The following PRKG1 variants were observed in gnomAD, a reference collection of about 807,000 sequenced individuals.
PRKG1 encodes protein kinase cGMP-dependent 1, also known as cGMP-dependent protein kinase 1.
PRKG1 carries 35 observed loss-of-function variants against 88.1 expected under a neutral mutation model. The observed-to-expected ratio is 0.40, with a 90% CI of 0.30 to 0.53. The LOEUF (loss-of-function observed/expected upper bound fraction) is 0.53, where lower values mean the gene tolerates loss of function less well. Ranked by LOEUF, PRKG1 falls within the 20% of genes least tolerant of loss-of-function variation. The probability of loss-of-function intolerance (pLI) is 0.59; values close to 1 mark genes in which losing one functional copy is unlikely to be tolerated. For synonymous variants in PRKG1, 303 were observed against 292.5 expected (o/e 1.04, Z -0.37); for missense variants, 540 against 839.8 (o/e 0.64, Z 4.41).
chr10:51,452,187 G>A (rs1339104375), intron 2 of PRKG1, among the ~76,000 whole-genome samples: 2 of 151,866 alleles, frequency 1.3e-5, no homozygotes, highest in African/African-American at 4.8e-5. Flanking sequence ...AAAAGAAATT[G>A]TAGCTGTTAT....
chr10:51,692,546 C>T (rs1305564447), intron 3 of PRKG1, among the ~76,000 whole-genome samples: 4 of 152,162 alleles, frequency 2.6e-5, no homozygotes, highest in Non-Finnish European at 5.9e-5. Flanking sequence ...CCCCGCCCAA[C>T]TATACCATTT....
chr10:51,046,889 T>C (rs762281796), intron 1 of PRKG1, among the ~76,000 whole-genome samples: 2 of 152,170 alleles, frequency 1.3e-5, no homozygotes, highest in Non-Finnish European at 2.9e-5. Context: ...ACGCTTGGAA[T>C]ATGCTTTCAT....
chr10:52,269,538 A>G lies in PRKG1; in HGVS notation c.1174-1812A>G, dbSNP rs574422327. 1.6e-4 allele frequency among the ~76,000 whole-genome samples: 25 copies of G among 152,210 alleles called. 1 individual carries two copies. The highest frequency in any genetic ancestry group is 6.0e-4 in the African/African-American group (25 of 41,546). ...TGAATATCTTCGAAGATTGAACTCAATCTGTACATGTGTGCAGGAACAAGA... is the reference window on the plus strand; with the variant it reads ...TGAATATCTTCGAAGATTGAACTCAGTCTGTACATGTGTGCAGGAACAAGA... On this transcript the variant is annotated intron_variant, in intron 10 of 17. Coordinates refer to ENST00000373980, the MANE Select transcript of PRKG1 (RefSeq NM_006258.4).
chr10:52,141,664 G>A (rs982092166), intron 8 of PRKG1, among the ~76,000 whole-genome samples: 1 of 152,130 alleles, frequency 6.6e-6, no homozygotes, highest in Admixed American at 6.6e-5. Flanking sequence ...TTTTGACTCT[G>A]CTCAAAGTAA....
At chr10:51,211,126 T>A (rs1838205848) in intron 2 of PRKG1, among the ~76,000 whole-genome samples, 1 of 152,148 alleles carries the variant, frequency 6.6e-6, no homozygotes, top group Non-Finnish European at 1.5e-5. Flanking sequence ...CATGATCAAG[T>A]GGGCTTCATC....
At chr10:51,620,983 A>ATG (rs1314158540) in intron 3 of PRKG1, among the ~76,000 whole-genome samples, 7,441 of 116,192 alleles carry the variant, frequency 0.064, 316 homozygotes, top group South Asian at 0.13. Flanking sequence ...CCGTATATGT[A>ATG]TGTGTGTGTG....
At chr10:51,838,164 G>A (rs1006770213) in intron 4 of PRKG1, among the ~76,000 whole-genome samples, 1 of 151,982 alleles carries the variant, frequency 6.6e-6, no homozygotes, top group Non-Finnish European at 1.5e-5. Context: ...TAATAATTAG[G>A]CATTTTTAGG....
chr10:51,298,110 T>C (rs1840770487), intron 2 of PRKG1, among the ~76,000 whole-genome samples: 1 of 152,164 alleles, frequency 6.6e-6, no homozygotes, highest in Non-Finnish European at 1.5e-5. Flanking sequence ...TCTCCTAACC[T>C]TATAACAATG....
intron 3 of PRKG1, among the ~76,000 whole-genome samples, chr10:51,473,752 C>G (rs1285611223): frequency 8.1e-6 from 1 of 123,822 alleles, no homozygotes; most frequent in Admixed American, 7.7e-5. Context: ...GCAAGAAACA[C>G]TGATTTTTTT....
At chr10:51,745,352 G>T (rs1051832314) in intron 3 of PRKG1, among the ~76,000 whole-genome samples, 1 of 151,820 alleles carries the variant, frequency 6.6e-6, no homozygotes, top group Admixed American at 6.6e-5. Context: ...AGCAGTTTTA[G>T]GTTCACAGCA....
chr10:51,996,790 T>C (rs1231873484), intron 5 of PRKG1, among the ~76,000 whole-genome samples: 1 of 152,102 alleles, frequency 6.6e-6, no homozygotes, highest in Non-Finnish European at 1.5e-5. Context: ...TGAGTATATA[T>C]CCAAAGGAAA....
intron 3 of PRKG1, among the ~76,000 whole-genome samples, chr10:51,738,784 A>T (rs1387545621): frequency 6.6e-6 from 1 of 152,202 alleles, no homozygotes; most frequent in East Asian, 1.9e-4. Context: ...CCCCTTTTAA[A>T]GTTAAAATTC....
intron 5 of PRKG1, among the ~76,000 whole-genome samples, chr10:52,036,071 T>G (rs575707830): frequency 9.2e-5 from 14 of 152,210 alleles, no homozygotes; most frequent in African/African-American, 3.4e-4. Flanking sequence ...TATGCTGAGA[T>G]AGGTAACAGA....
chr10:51,123,881 C>A (rs1027681318), intron 1 of PRKG1, among the ~76,000 whole-genome samples: 3 of 151,850 alleles, frequency 2.0e-5, no homozygotes, highest in Admixed American at 6.6e-5. Flanking sequence ...TGAAAGCAGG[C>A]GCGAGAGAGT....
At chr10:51,422,659 G>A (rs1838450311) in intron 2 of PRKG1, among the ~76,000 whole-genome samples, 1 of 149,354 alleles carries the variant, frequency 6.7e-6, no homozygotes, top group South Asian at 2.1e-4. Context: ...CTTGAATCTT[G>A]TATGTTTCCA....
intron 2 of PRKG1, among the ~76,000 whole-genome samples, chr10:51,182,098 C>T (rs975658695): frequency 6.6e-6 from 1 of 152,094 alleles, no homozygotes; most frequent in African/African-American, 2.4e-5. Context: ...ATTGGATAAA[C>T]AACCAAAAGA....
chr10:52,181,040 CA>C (rs2132727906), intron 9 of PRKG1, among the ~76,000 whole-genome samples: 1 of 152,296 alleles, frequency 6.6e-6, no homozygotes, highest in East Asian at 1.9e-4. Context: ...GTGTGTCTAT[CA>C]GGGGCAGCCA....
chr10:51,180,979 A>G (rs1837326226), intron 2 of PRKG1, among the ~76,000 whole-genome samples: 1 of 152,156 alleles, frequency 6.6e-6, no homozygotes, highest in Non-Finnish European at 1.5e-5. Context: ...TTTGGTCTAT[A>G]AAGATTCATT....
intron 3 of PRKG1, among the ~76,000 whole-genome samples, chr10:51,692,719 T>C (rs2132394811): frequency 6.6e-6 from 1 of 152,302 alleles, no homozygotes; most frequent in South Asian, 2.1e-4. Flanking sequence ...CAAGTGATCC[T>C]TCTGCCTCAA....
Sources: gnomAD v4.1 joint callset for allele counts (sites outside exome capture counted in the v4.1 genomes callset) on GRCh38, gnomAD v4.1.1 for gene constraint, MANE v1.5 for transcripts, NCBI Gene and HGNC (gene_info 2026-07-23, HGNC 2026-07-21) for gene names.